Variants in CCN4 observed in about 807,000 individuals in gnomAD.
CCN4 encodes cellular communication network factor 4.
In CCN4, 30 loss-of-function variants were observed where a neutral mutation model predicts 36.7. That is an observed-to-expected ratio of 0.82 (90% CI 0.61 to 1.11). The LOEUF (loss-of-function observed/expected upper bound fraction) is 1.11, where lower values mean the gene tolerates loss of function less well. Among genes scored for constraint, CCN4 ranks in the 50% least tolerant of loss-of-function variants. The pLI is 0.00. For synonymous variants in CCN4, 191 were observed against 195.4 expected, an observed-to-expected ratio of 0.98 and a Z score of 0.19; for missense variants, 505 against 504.9, an observed-to-expected ratio of 1.00 and a Z score of 0.00.
chr8:133,224,867 G>A (rs529761349), intron 3 of CCN4, among the ~76,000 whole-genome samples: 11 of 151,846 alleles, frequency 7.2e-5, no homozygotes, highest in Admixed American at 1.3e-4. Flanking sequence ...CCCAGGAGGC[G>A]GAGGTTGCAG....
intron 3 of CCN4, among the ~76,000 whole-genome samples, chr8:133,221,724 A>AATGGATGGATGGATGG (rs143527799): frequency 6.6e-6 from 1 of 151,308 alleles, no homozygotes; most frequent in African/African-American, 2.4e-5. Flanking sequence ...TGAATGTATG[A>AATGGATGGATGGATGG]ATGGATGGAT....
At chr8:133,199,548 A>T (rs1163356704) in intron 1 of CCN4, among the ~76,000 whole-genome samples, 1 of 152,150 alleles carries the variant, frequency 6.6e-6, no homozygotes, top group Non-Finnish European at 1.5e-5. Context: ...GACAGGGAAT[A>T]TCAAGCTGCT....
chr8:133,208,654 C>G (rs1215387094), intron 1 of CCN4, among the ~76,000 whole-genome samples: 4 of 152,144 alleles, frequency 2.6e-5, no homozygotes, highest in African/African-American at 9.7e-5. Flanking sequence ...TGCCTGTGCA[C>G]TTGAGGGTCC....
intron 1 of CCN4, 73 bp downstream of exon 1, chr8:133,191,286 G>T: frequency 6.7e-7 from 1 of 1,502,616 alleles, no homozygotes; most frequent in South Asian, 1.2e-5. Flanking sequence ...CATGGGGGCT[G>T]GTGGGCAGGA....
intron 3 of CCN4, among the ~76,000 whole-genome samples, chr8:133,223,129 G>A (rs940121808): frequency 2.0e-5 from 3 of 152,046 alleles, no homozygotes; most frequent in Admixed American, 1.3e-4. Context: ...AGGCGTGGAG[G>A]AAAGCTTTGT....
intron 3 of CCN4, among the ~76,000 whole-genome samples, chr8:133,222,976 T>C (rs1246576893): frequency 6.6e-6 from 1 of 151,960 alleles, no homozygotes; most frequent in Non-Finnish European, 1.5e-5. Context: ...CCCAGCAATC[T>C]AATCCCTGGC....
At chr8:133,212,735 C>T in intron 1 of CCN4, 129 bp from the exon 2 acceptor site, 4 of 740,966 alleles carry the variant, frequency 5.4e-6, no homozygotes, top group South Asian at 3.9e-5. Flanking sequence ...CTATCAAAAG[C>T]GTGATAGAAA....
At chr8:133,225,254 G>C (rs1854683949) in intron 3 of CCN4, 136 bp from the exon 4 acceptor site, 1 of 805,374 alleles carries the variant, frequency 1.2e-6, no homozygotes, top group Non-Finnish European at 1.9e-6. Flanking sequence ...AAGCCAACTT[G>C]CTGTCCTGTG....
intron 1 of CCN4, among the ~76,000 whole-genome samples, chr8:133,194,638 G>T (rs1853275659): frequency 1.8e-5 from 2 of 113,074 alleles, no homozygotes; most frequent in African/African-American, 6.8e-5. Context: ...GGGTGTGTGG[G>T]GTGTGTGCGT....
chr8:133,193,386 C>T (rs1220216152), intron 1 of CCN4, among the ~76,000 whole-genome samples: 2 of 152,240 alleles, frequency 1.3e-5, no homozygotes, highest in East Asian at 3.9e-4. Context: ...GATGGCAGCC[C>T]AGAAGGAGAT....
chr8:133,211,245 G>A lies in CCN4; in HGVS notation c.70-1619G>A, dbSNP rs1351454093. 2.0e-5 allele frequency among the ~76,000 whole-genome samples: 3 copies of A among 152,122 alleles called. No individual in the cohort carries two copies. The East Asian group carries it at 5.8e-4, about 29-fold the overall frequency. The stretch of plus-strand genomic sequence containing the variant: ...CAGCACTTTGCGTAGTAAATCCCTC[G>A]AGTTGCAGTAAATCCCTCGAGTTGT... On this transcript the variant is annotated intron_variant, in intron 1 of 4. Coordinates refer to ENST00000250160, the MANE Select transcript of CCN4 (RefSeq NM_003882.4).
intron 1 of CCN4, among the ~76,000 whole-genome samples, chr8:133,193,035 A>G (rs540889366): frequency 1.3e-5 from 2 of 152,330 alleles, no homozygotes; most frequent in South Asian, 4.1e-4. Context: ...CTTCTGGGAC[A>G]GAGGTGTGCA....
At chr8:133,211,075 G>C (rs945325368) in intron 1 of CCN4, among the ~76,000 whole-genome samples, 5 of 152,214 alleles carry the variant, frequency 3.3e-5, no homozygotes, top group Non-Finnish European at 7.3e-5. Context: ...GCCAGGTTCA[G>C]AGCCTAGTCA....
rs532006066 is a variant in CCN4, at chr8:133,195,029, C to T, written c.69+3816C>T. ...TGTTGTGTGTGTGGTGTGTGGTATG[C>T]GTGTGTATGCATGGTGTGTATGTGT... On this transcript the variant is annotated intron_variant, in intron 1 of 4. Coordinates refer to ENST00000250160, the MANE Select transcript of CCN4 (RefSeq NM_003882.4). Among the ~76,000 whole-genome samples, 8 of 110,324 alleles carry T rather than the reference C, an allele frequency of 7.3e-5. No homozygotes were observed. The East Asian group carries it at 1.2e-3, about 16-fold the overall frequency. The allele number at this position is 110,324 out of a possible 152,430, so 72.4% of individuals were successfully genotyped here. A position where few individuals can be genotyped will look rare whatever the true frequency, so the allele number is the denominator to read the frequency against.
intron 3 of CCN4, among the ~76,000 whole-genome samples, chr8:133,222,247 T>C (rs1854564153): frequency 6.6e-6 from 1 of 152,146 alleles, no homozygotes; most frequent in African/African-American, 2.4e-5. Flanking sequence ...ACAAGAGGCA[T>C]TGCTTGAGTA....
At position 133,216,192 on chromosome 8, in the gene CCN4, T is replaced by C. The variant is rs561965344; in HGVS notation, c.349+3049T>C. On this transcript the variant is annotated intron_variant, in intron 2 of 4. Coordinates refer to ENST00000250160, the MANE Select transcript of CCN4 (RefSeq NM_003882.4). The stretch of plus-strand genomic sequence containing the variant: ...AAGAATACACCTCTGGGCCAGAGGG[T>C]AAACAGAACAAACGGTTCCTCTAAG... Among the ~76,000 whole-genome samples the C allele has an allele frequency of 3.3e-5, 5 of 152,206 alleles. No individual in the cohort carries two copies. In the South Asian group the frequency reaches 1.0e-3, roughly 32 times the overall value.
intron 2 of CCN4, among the ~76,000 whole-genome samples, chr8:133,214,057 C>T (rs10106988): frequency 0.52 from 116 of 224 alleles, 7 homozygotes; most frequent in Admixed American, 0.62. Flanking sequence ...AGTAGTTATA[C>T]ATACTATATA....
At chr8:133,204,074 G>A (rs1373787812) in intron 1 of CCN4, among the ~76,000 whole-genome samples, 4 of 151,998 alleles carry the variant, frequency 2.6e-5, no homozygotes, top group Admixed American at 1.3e-4. Flanking sequence ...TGTCCAATAA[G>A]TATGATTGAA....
intron 1 of CCN4, among the ~76,000 whole-genome samples, chr8:133,197,922 A>G (rs1029278743): frequency 2.6e-4 from 40 of 152,164 alleles, no homozygotes; most frequent in Admixed American, 3.9e-4. Context: ...TTCTAAGAGT[A>G]GGGGAATATC....
Sources: gnomAD v4.1 joint callset for allele counts (sites outside exome capture counted in the v4.1 genomes callset) on GRCh38, gnomAD v4.1.1 for gene constraint, MANE v1.5 for transcripts, NCBI Gene and HGNC (gene_info 2026-07-23, HGNC 2026-07-21) for gene names.